Variants in KALRN observed in about 807,000 individuals in gnomAD.
KALRN encodes kalirin RhoGEF kinase.
In KALRN, 70 loss-of-function variants were observed where a neutral mutation model predicts 353.7. The ratio of observed to expected loss-of-function variants is 0.20; its 90% CI spans 0.16 to 0.24. The LOEUF is 0.24. Ranked by LOEUF, KALRN falls within the 10% of genes least tolerant of loss-of-function variation. The pLI is 1.00. For missense variants in KALRN, 2,791 were observed against 3,756.7 expected (o/e 0.74, Z 6.72); for synonymous variants, 1,391 against 1,434.8 (o/e 0.97, Z 0.69).
intron 34 of KALRN, among the ~76,000 whole-genome samples, chr3:124,582,018 ATTTTTTT>A (rs71625758): frequency 1.5e-5 from 2 of 136,084 alleles, no homozygotes; most frequent in African/African-American, 2.8e-5. Context: ...AACATGAGCT[ATTTTTTT>A]TTTTTTTTTT....
chr3:124,447,340 G>T (rs975780402), intron 21 of KALRN, among the ~76,000 whole-genome samples: 1 of 152,316 alleles, frequency 6.6e-6, no homozygotes, highest in African/African-American at 2.4e-5. Context: ...CTCCTTTTCT[G>T]AGCTATTTCC....
At chr3:124,686,904 T>A (rs2061590027) in intron 51 of KALRN, among the ~76,000 whole-genome samples, 1 of 131,496 alleles carries the variant, frequency 7.6e-6, no homozygotes, top group Non-Finnish European at 1.6e-5. Context: ...AGCACTAACC[T>A]CCCAGGCTCA....
chr3:124,153,327 C>A (rs2068474819), intron 1 of KALRN, among the ~76,000 whole-genome samples: 1 of 141,202 alleles, frequency 7.1e-6, no homozygotes, highest in South Asian at 2.3e-4. Context: ...TCCATGTGTT[C>A]TCATTGTTCA....
At chr3:124,209,709 A>G (rs2076740521) in intron 1 of KALRN, among the ~76,000 whole-genome samples, 2 of 152,198 alleles carry the variant, frequency 1.3e-5, no homozygotes, top group African/African-American at 4.8e-5. Context: ...ATAGAATCTG[A>G]AAATTCTAGA....
chr3:124,474,693 G>A lies in KALRN; in HGVS notation c.4062G>A (p.Glu1354=), dbSNP rs1175473921. 2 of 1,613,994 alleles carry A rather than the reference G, an allele frequency of 1.2e-6. No homozygotes were observed. Among genetic ancestry groups the A allele is most frequent in the Admixed American group, 1.7e-5 (1 of 60,010 alleles). The change falls in exon 26 of 60, where the codon GAG becomes GAA. Residue 1354 remains glutamate, a synonymous_variant. Coordinates refer to ENST00000682506, the MANE Select transcript of KALRN (RefSeq NM_001388419.1). ...TCCTCAAAGAGCTGGAGAAGTACGA[G>A]CAACTGCCTGAGGATGTGGGACACT... ...NIFLKELEKY[E]QLPEDVGHCF...
chr3:124,424,821 A>G (rs2092944622), intron 15 of KALRN, among the ~76,000 whole-genome samples: 1 of 152,182 alleles, frequency 6.6e-6, no homozygotes, highest in Admixed American at 6.5e-5. Flanking sequence ...GAACATGCCC[A>G]TGGGGAGAAG....
chr3:124,216,298 G>C (rs1170982263), intron 1 of KALRN, among the ~76,000 whole-genome samples: 1 of 152,178 alleles, frequency 6.6e-6, no homozygotes, highest in Non-Finnish European at 1.5e-5. Flanking sequence ...TGTGCTGTGA[G>C]GGAGGCAGAG....
intron 1 of KALRN, among the ~76,000 whole-genome samples, chr3:124,136,110 G>C (rs949263418): frequency 6.6e-6 from 1 of 152,122 alleles, no homozygotes; most frequent in African/African-American, 2.4e-5. Context: ...AATTGGTCTG[G>C]GATGGGGCCC....
In KALRN at chr3:124,491,209, A is replaced by C. The variant is rs1577380424; in HGVS notation, c.4588-114A>C. On this transcript the variant is annotated intron_variant, in intron 30 of 59. Transcript: ENST00000682506. ...TCCAATCTGTTAAAGTTTGATTGAC[A>C]GAAGCCCCTCCCTCGGTCCTCTCCT... The C allele has an allele frequency of 2.3e-5, 15 of 640,980 alleles. No individual in the cohort carries two copies. In the East Asian group the frequency reaches 4.4e-4, roughly 19 times the overall value. 39.7% of individuals were successfully genotyped at this position (640,980 alleles called of 1,614,324 possible). A position where few individuals can be genotyped will look rare whatever the true frequency, so the allele number is the denominator to read the frequency against.
intron 6 of KALRN, among the ~76,000 whole-genome samples, chr3:124,314,846 G>A: frequency 6.6e-6 from 1 of 152,084 alleles, no homozygotes; most frequent in East Asian, 1.9e-4. Context: ...GTAGATACAG[G>A]GTCTCACTAT....
At chr3:124,173,903 C>T (rs961726061) in intron 1 of KALRN, among the ~76,000 whole-genome samples, 2 of 152,102 alleles carry the variant, frequency 1.3e-5, no homozygotes, top group Non-Finnish European at 2.9e-5. Context: ...CATGAGCCAC[C>T]GTCCCTGTGC....
chr3:124,597,619 C>T (rs1269627661), intron 34 of KALRN, among the ~76,000 whole-genome samples: 1 of 152,186 alleles, frequency 6.6e-6, no homozygotes, highest in East Asian at 1.9e-4. Flanking sequence ...TAAAGCTGCA[C>T]TGTCCAATCC....
intron 9 of KALRN, among the ~76,000 whole-genome samples, chr3:124,346,251 A>C (rs1304587541): frequency 3.3e-5 from 5 of 152,150 alleles, no homozygotes; most frequent in Non-Finnish European, 5.9e-5. Flanking sequence ...AAAGGCTTTC[A>C]TCCTCCCTGC....
chr3:124,507,200 C>T (rs759307898), intron 33 of KALRN, among the ~76,000 whole-genome samples: 3 of 152,052 alleles, frequency 2.0e-5, no homozygotes, highest in Non-Finnish European at 4.4e-5. Context: ...TTTCACCTCC[C>T]CACCCCACTT....
At chr3:124,244,653 G>A (rs2080898615) in intron 3 of KALRN, among the ~76,000 whole-genome samples, 1 of 152,156 alleles carries the variant, frequency 6.6e-6, no homozygotes, top group Non-Finnish European at 1.5e-5. Flanking sequence ...CTTTTCATGT[G>A]TAATAGTGTG....
intron 6 of KALRN, among the ~76,000 whole-genome samples, chr3:124,325,588 G>A (rs1326729040): frequency 6.6e-6 from 1 of 152,176 alleles, no homozygotes; most frequent in Non-Finnish European, 1.5e-5. Context: ...CAAGAGAGAT[G>A]TCTCTGCCTC....
At chr3:124,480,140 C>G (rs2061842357) in intron 27 of KALRN, among the ~76,000 whole-genome samples, 1 of 152,118 alleles carries the variant, frequency 6.6e-6, no homozygotes, top group East Asian at 1.9e-4. Flanking sequence ...GGCTTTTCAT[C>G]AGAGAGGAAA....
chr3:124,185,724 G>C (rs1385814506), intron 1 of KALRN, among the ~76,000 whole-genome samples: 3 of 152,196 alleles, frequency 2.0e-5, no homozygotes. Flanking sequence ...GCTCTGGGGA[G>C]CTGCCTCATA....
At chr3:124,275,521 A>AG (rs2074615272) in intron 5 of KALRN, among the ~76,000 whole-genome samples, 1 of 152,210 alleles carries the variant, frequency 6.6e-6, no homozygotes, top group African/African-American at 2.4e-5. Flanking sequence ...CTTAAAAAAA[A>AG]GACAAACTTC....
Sources: gnomAD v4.1 joint callset for allele counts (sites outside exome capture counted in the v4.1 genomes callset) on GRCh38, gnomAD v4.1.1 for gene constraint, MANE v1.5 for transcripts, NCBI Gene and HGNC (gene_info 2026-07-23, HGNC 2026-07-21) for gene names.